The following EPHA6 variants were observed in gnomAD, a reference collection of about 807,000 sequenced individuals.
EPHA6 encodes the protein ephrin type-A receptor 6.
In EPHA6, 50 loss-of-function variants were observed where a neutral mutation model predicts 112.0. The ratio of observed to expected loss-of-function variants is 0.45; its 90% CI spans 0.36 to 0.56. EPHA6 has a LOEUF of 0.56. Ranked by LOEUF, EPHA6 falls within the 20% of genes least tolerant of loss-of-function variation. The pLI is 0.00. For missense variants in EPHA6, 1,280 were observed against 1,417.4 expected (o/e 0.90, Z 1.56); for synonymous variants, 529 against 490.7 (o/e 1.08, Z -1.03).
chr3:97,578,768 A>G (rs931701734), intron 11 of EPHA6, among the ~76,000 whole-genome samples: 2 of 152,220 alleles, frequency 1.3e-5, no homozygotes, highest in African/African-American at 4.8e-5. Flanking sequence ...CTAGATATGC[A>G]TCATAAATTT....
intron 3 of EPHA6, among the ~76,000 whole-genome samples, chr3:97,027,830 A>G (rs2044695064): frequency 6.6e-6 from 1 of 152,202 alleles, no homozygotes; most frequent in African/African-American, 2.4e-5. Flanking sequence ...AAGTTGGAGT[A>G]AATTATCTTA....
chr3:96,937,498 G>T (rs2040662283), intron 2 of EPHA6, among the ~76,000 whole-genome samples: 1 of 152,040 alleles, frequency 6.6e-6, no homozygotes, highest in Non-Finnish European at 1.5e-5. Context: ...TGTAGATTCT[G>T]GATATTAGCC....
At chr3:97,263,436 T>TACACACACAC (rs34479594) in intron 5 of EPHA6, among the ~76,000 whole-genome samples, 8,213 of 142,196 alleles carry the variant, frequency 0.058, 550 homozygotes, top group Admixed American at 0.18. Flanking sequence ...ATTAAAGGGA[T>TACACACACAC]ACACACACAC....
intron 14 of EPHA6, among the ~76,000 whole-genome samples, chr3:97,694,484 G>A (rs751777002): frequency 1.3e-5 from 2 of 152,178 alleles, no homozygotes; most frequent in East Asian, 1.9e-4. Flanking sequence ...TGATCCACCC[G>A]CCTTGGCCTC....
chr3:97,114,280 A>G (rs987775156), intron 3 of EPHA6, among the ~76,000 whole-genome samples: 2 of 152,156 alleles, frequency 1.3e-5, no homozygotes, highest in Non-Finnish European at 1.5e-5. Flanking sequence ...GAACATTTTT[A>G]TAGAAATTTA....
At chr3:97,151,664 G>A (rs1403994885) in intron 3 of EPHA6, among the ~76,000 whole-genome samples, 1 of 151,982 alleles carries the variant, frequency 6.6e-6, no homozygotes. Flanking sequence ...GCCTTACTGT[G>A]AGATGCTTCA....
intron 5 of EPHA6, among the ~76,000 whole-genome samples, chr3:97,395,276 G>GA (rs1247700659): frequency 2.0e-5 from 3 of 151,490 alleles, no homozygotes; most frequent in South Asian, 2.1e-4. Flanking sequence ...CTGATTACAA[G>GA]AAAAAAACAT....
At chr3:96,902,019 G>A (rs1394622083) in intron 2 of EPHA6, among the ~76,000 whole-genome samples, 6 of 152,100 alleles carry the variant, frequency 3.9e-5, no homozygotes, top group Admixed American at 3.9e-4. Flanking sequence ...TACAGAGGAT[G>A]GGGGTAATTA....
chr3:96,883,132 A>G (rs530070824), intron 2 of EPHA6, among the ~76,000 whole-genome samples: 1 of 152,258 alleles, frequency 6.6e-6, no homozygotes, highest in African/African-American at 2.4e-5. Flanking sequence ...TGCAGGAGTA[A>G]GGTGGTATCA....
intron 9 of EPHA6, among the ~76,000 whole-genome samples, chr3:97,480,505 CCT>C (rs1327318355): frequency 6.6e-6 from 1 of 152,050 alleles, no homozygotes. Flanking sequence ...TCCATTTAAC[CCT>C]GAGTGGACAC....
At chr3:97,679,771 T>C (rs1288119988) in intron 14 of EPHA6, among the ~76,000 whole-genome samples, 4 of 152,130 alleles carry the variant, frequency 2.6e-5, no homozygotes, top group Non-Finnish European at 5.9e-5. Context: ...TGGGACACCC[T>C]AGAAAGGGTT....
chr3:97,187,612 A>C (rs1177105820), intron 3 of EPHA6, among the ~76,000 whole-genome samples: 1 of 150,320 alleles, frequency 6.7e-6, no homozygotes, highest in Admixed American at 6.7e-5. Flanking sequence ...AGAGAAAGAA[A>C]GAAAAAGAAA....
intron 14 of EPHA6, among the ~76,000 whole-genome samples, chr3:97,702,768 A>AT (rs950763765): frequency 2.0e-5 from 3 of 151,846 alleles, no homozygotes; most frequent in Non-Finnish European, 2.9e-5. Context: ...TTATTTATTT[A>AT]TTTTTTTTAC....
chr3:97,061,623 G>A (rs1267075754), intron 3 of EPHA6, among the ~76,000 whole-genome samples: 1 of 152,184 alleles, frequency 6.6e-6, no homozygotes, highest in Non-Finnish European at 1.5e-5. Context: ...TCGGGAAATA[G>A]GGGATGAGAA....
At chr3:96,992,736 T>G (rs2043261636) in intron 3 of EPHA6, among the ~76,000 whole-genome samples, 1 of 152,200 alleles carries the variant, frequency 6.6e-6, no homozygotes, top group South Asian at 2.1e-4. Context: ...ATTCTGGTTT[T>G]TATAATTTTT....
intron 6 of EPHA6, among the ~76,000 whole-genome samples, chr3:97,437,702 T>A (rs1241784687): frequency 6.6e-6 from 1 of 152,096 alleles, no homozygotes; most frequent in Non-Finnish European, 1.5e-5. Flanking sequence ...GGGGTCTCAC[T>A]ATATTGCCAA....
At chr3:96,930,273 G>A (rs1242304805) in intron 2 of EPHA6, among the ~76,000 whole-genome samples, 1 of 152,190 alleles carries the variant, frequency 6.6e-6, no homozygotes, top group East Asian at 1.9e-4. Context: ...GAGAGGTGTT[G>A]CAGTCATTTG....
intron 7 of EPHA6, among the ~76,000 whole-genome samples, chr3:97,449,917 C>G (rs1577447674): frequency 1.3e-5 from 2 of 152,042 alleles, no homozygotes; most frequent in Non-Finnish European, 1.5e-5. Context: ...GTTGTTTTTA[C>G]ATTGATGAAC....
At chr3:97,395,997 C>T (rs751290242) in intron 5 of EPHA6, among the ~76,000 whole-genome samples, 4 of 151,506 alleles carry the variant, frequency 2.6e-5, no homozygotes, top group African/African-American at 4.8e-5. Context: ...TTTTAAACAA[C>T]TAGAGGTTTA....
Sources: gnomAD v4.1 joint callset for allele counts (sites outside exome capture counted in the v4.1 genomes callset) on GRCh38, gnomAD v4.1.1 for gene constraint, MANE v1.5 for transcripts, NCBI Gene and HGNC (gene_info 2026-07-23, HGNC 2026-07-21) for gene names.